The following MGMT variants were observed in gnomAD, a reference collection of about 807,000 sequenced individuals.
MGMT encodes the protein methylated-DNA--protein-cysteine methyltransferase.
In MGMT, 14 loss-of-function variants were observed where a neutral mutation model predicts 15.9. The ratio of observed to expected loss-of-function variants is 0.88; its 90% CI spans 0.58 to 1.37. The LOEUF is 1.37. Among genes scored for constraint, MGMT ranks in the 40% most tolerant of loss-of-function variants. The pLI, the probability that MGMT is intolerant of heterozygous loss-of-function variation, is 0.00. For missense variants in MGMT, 282 were observed against 268.1 expected, an observed-to-expected ratio of 1.05 and a Z score of -0.36; for synonymous variants, 130 against 118.2, an observed-to-expected ratio of 1.10 and a Z score of -0.65.
At chr10:129,719,526 G>T (rs1253040584) in intron 3 of MGMT, among the ~76,000 whole-genome samples, 1 of 152,188 alleles carries the variant, frequency 6.6e-6, no homozygotes, top group Admixed American at 6.5e-5. Context: ...CTCAGACCAA[G>T]GTGCTGAGGC....
At chr10:129,530,322 T>C (rs1358714356) in intron 1 of MGMT, among the ~76,000 whole-genome samples, 1 of 152,256 alleles carries the variant, frequency 6.6e-6, no homozygotes, top group Non-Finnish European at 1.5e-5. Context: ...TATTTGATTT[T>C]TTAAAAATAA....
chr10:129,490,493 C>T (rs1462675546), intron 1 of MGMT, among the ~76,000 whole-genome samples: 5 of 1,942 alleles, frequency 2.6e-3, no homozygotes, highest in African/African-American at 2.6e-3. Flanking sequence ...GTTATTTATT[C>T]TTTATTGTTA....
At chr10:129,692,231 G>C (rs549842671) in intron 2 of MGMT, among the ~76,000 whole-genome samples, 20 of 152,186 alleles carry the variant, frequency 1.3e-4, no homozygotes, top group Non-Finnish European at 2.4e-4. Context: ...GAGCGTTACA[G>C]GTGGGAGGAC....
intron 1 of MGMT, among the ~76,000 whole-genome samples, chr10:129,483,452 G>T (rs1466955902): frequency 2.0e-5 from 3 of 151,932 alleles, no homozygotes; most frequent in Admixed American, 1.3e-4. Flanking sequence ...AGGTCTGCTG[G>T]TGTCTGAATT....
intron 2 of MGMT, among the ~76,000 whole-genome samples, chr10:129,642,161 A>G (rs962593955): frequency 3.3e-5 from 5 of 152,074 alleles, no homozygotes; most frequent in African/African-American, 4.8e-5. Context: ...TGTGCGTTGA[A>G]AAGTGCCTCT....
At chr10:129,731,055 G>A (rs1310956012) in intron 3 of MGMT, among the ~76,000 whole-genome samples, 1 of 152,136 alleles carries the variant, frequency 6.6e-6, no homozygotes, top group Non-Finnish European at 1.5e-5. Context: ...CTGTCACTAG[G>A]CGCCCCACAC....
intron 2 of MGMT, among the ~76,000 whole-genome samples, chr10:129,683,465 C>T (rs577660098): frequency 2.6e-5 from 4 of 152,234 alleles, no homozygotes; most frequent in African/African-American, 4.8e-5. Flanking sequence ...AGAAAATGCC[C>T]GGGTGAGTGC....
chr10:129,739,428 CTT>C (rs1848604645), intron 3 of MGMT, among the ~76,000 whole-genome samples: 1 of 152,100 alleles, frequency 6.6e-6, no homozygotes, highest in African/African-American at 2.4e-5. Context: ...AAAATCTCCT[CTT>C]TTTTATTTTC....
At chr10:129,485,820 G>A (rs1845402777) in intron 1 of MGMT, among the ~76,000 whole-genome samples, 1 of 152,158 alleles carries the variant, frequency 6.6e-6, no homozygotes, top group South Asian at 2.1e-4. Context: ...ATAAAAGAGA[G>A]GCCTGCTGGG....
At chr10:129,655,938 G>A (rs1261513553) in intron 2 of MGMT, among the ~76,000 whole-genome samples, 1 of 152,166 alleles carries the variant, frequency 6.6e-6, no homozygotes, top group Non-Finnish European at 1.5e-5. Flanking sequence ...AAATAAACTG[G>A]CAACAGCGGT....
chr10:129,688,512 T>A lies in MGMT; in HGVS notation c.126-19383T>A, dbSNP rs181208856. 1.8e-3 allele frequency among the ~76,000 whole-genome samples: 269 copies of A among 152,358 alleles called. 1 individual carries two copies. Among genetic ancestry groups the A allele is most frequent in the African/African-American group, 6.3e-3 (260 of 41,584 alleles). ...TTCTTTTGAGAAGTCTCTGTTCATA[T>A]CCTTCACCCACTTTTTGATGGTGTT... On this transcript the variant is annotated intron_variant, in intron 2 of 4. Coordinates refer to ENST00000651593, the MANE Select transcript of MGMT (RefSeq NM_002412.5).
chr10:129,766,792 C>G lies in MGMT; in HGVS notation c.419C>G (p.Pro140Arg). 6.2e-7 allele frequency: 1 copy of G among 1,612,282 alleles called. No individual in the cohort carries two copies. Among genetic ancestry groups the G allele is most frequent in the Non-Finnish European group, 8.5e-7 (1 of 1,179,700 alleles). The change falls in exon 5 of 5, where the codon CCC becomes CGC. Residue 140 changes from proline (P) to arginine (R), a missense_variant. Physicochemically the swap from Pro to Arg is moderately radical, Grantham distance 103. Coordinates refer to ENST00000651593, the MANE Select transcript of MGMT (RefSeq NM_002412.5). ...VGGAMRGNPV[P>R]ILIPCHRVVC... ...GGCTGCCCCCCTGTCTTCCAGGTCCCCATCCTCATCCCGTGCCACAGAGTG... is the reference window on the plus strand; with the variant it reads ...GGCTGCCCCCCTGTCTTCCAGGTCCGCATCCTCATCCCGTGCCACAGAGTG...
At chr10:129,751,826 G>GT (rs1848753410) in intron 3 of MGMT, among the ~76,000 whole-genome samples, 1 of 151,768 alleles carries the variant, frequency 6.6e-6, no homozygotes, top group Non-Finnish European at 1.5e-5. Flanking sequence ...TTCTATTATG[G>GT]TTTTTGTCGA....
At chr10:129,571,310 C>T (rs1482351426) in intron 2 of MGMT, among the ~76,000 whole-genome samples, 1 of 152,148 alleles carries the variant, frequency 6.6e-6, no homozygotes, top group Non-Finnish European at 1.5e-5. Flanking sequence ...ATAAACACCC[C>T]TAAGTCTAAT....
intron 2 of MGMT, among the ~76,000 whole-genome samples, chr10:129,573,261 A>T (rs1846440584): frequency 6.6e-6 from 1 of 152,168 alleles, no homozygotes; most frequent in Non-Finnish European, 1.5e-5. Flanking sequence ...TTTTTTCAGA[A>T]TAAGAAATTC....
chr10:129,708,176 C>A, intron 3 of MGMT, 133 bp downstream of exon 3: 2 of 1,284,272 alleles, frequency 1.6e-6, no homozygotes, highest in South Asian at 1.4e-5. Flanking sequence ...CAGCGTTTGG[C>A]CGAGCTGGAG....
intron 2 of MGMT, among the ~76,000 whole-genome samples, chr10:129,583,246 A>G (rs995363921): frequency 8.5e-5 from 13 of 152,256 alleles, no homozygotes; most frequent in Non-Finnish European, 1.3e-4. Context: ...TCAAATAGCT[A>G]AACATTTAAC....
intron 2 of MGMT, among the ~76,000 whole-genome samples, chr10:129,643,317 A>G (rs890186621): frequency 6.6e-6 from 1 of 152,226 alleles, no homozygotes; most frequent in Non-Finnish European, 1.5e-5. Context: ...TGGAGTAAGC[A>G]GTTTGGAGAA....
chr10:129,589,418 T>C (rs773008003), intron 2 of MGMT, among the ~76,000 whole-genome samples: 42 of 152,356 alleles, frequency 2.8e-4, no homozygotes, highest in South Asian at 6.2e-4. Flanking sequence ...TCTGACCTCT[T>C]GAGTTTTGCA....
Sources: gnomAD v4.1 joint callset for allele counts (sites outside exome capture counted in the v4.1 genomes callset) on GRCh38, gnomAD v4.1.1 for gene constraint, MANE v1.5 for transcripts, NCBI Gene and HGNC (gene_info 2026-07-23, HGNC 2026-07-21) for gene names.